AK5: variants seen among roughly 807,000 people sequenced by gnomAD.
The protein encoded by AK5 is adenylate kinase 5.
In AK5, 27 loss-of-function variants were observed where a neutral mutation model predicts 69.5. The ratio of observed to expected loss-of-function variants is 0.39; its 90% CI spans 0.29 to 0.54. AK5 has a LOEUF of 0.54. Among genes scored for constraint, AK5 ranks in the 20% least tolerant of loss-of-function variants. AK5 has a pLI of 0.71. For synonymous variants in AK5, 260 were observed against 244.4 expected (o/e 1.06, Z -0.60); for missense variants, 531 against 700.4 (o/e 0.76, Z 2.73).
In AK5 at chr1:77,303,435, G is replaced by C. The variant is rs116617299; in HGVS notation, c.699+5488G>C. 4.0e-3 allele frequency among the ~76,000 whole-genome samples: 615 copies of C among 152,292 alleles called. 1 individual carries two copies. Among genetic ancestry groups the C allele is most frequent in the African/African-American group, 0.014 (587 of 41,560 alleles). On this transcript the variant is annotated intron_variant, in intron 5 of 13. Coordinates refer to ENST00000354567, the MANE Select transcript of AK5 (RefSeq NM_174858.3). The stretch of plus-strand genomic sequence containing the variant: ...ACTTGAATAACATATTTTTAGAAAA[G>C]TAATCATATTTTCCAAAACTTAAAA...
At chr1:77,376,966 T>C (rs1647292239) in intron 6 of AK5, among the ~76,000 whole-genome samples, 1 of 152,152 alleles carries the variant, frequency 6.6e-6, no homozygotes, top group Non-Finnish European at 1.5e-5. Context: ...AATCATTAAG[T>C]CACACCATTA....
intron 13 of AK5, among the ~76,000 whole-genome samples, chr1:77,554,950 AAATATTTGCTGTGTACCCATATTT>A (rs925953979): frequency 2.6e-4 from 39 of 151,950 alleles, no homozygotes; most frequent in Admixed American, 1.1e-3. Context: ...AATATTTATC[AAATATTTGCTGTGTACCCATATTT>A]TATGATGTCA....
intron 6 of AK5, among the ~76,000 whole-genome samples, chr1:77,382,019 A>C (rs1056281907): frequency 1.3e-5 from 2 of 152,178 alleles, no homozygotes; most frequent in Non-Finnish European, 1.5e-5. Context: ...GCCCAGGTCA[A>C]AGGTGGTTGC....
At chr1:77,353,548 G>A (rs1662329100) in intron 6 of AK5, among the ~76,000 whole-genome samples, 1 of 152,116 alleles carries the variant, frequency 6.6e-6, no homozygotes, top group Non-Finnish European at 1.5e-5. Flanking sequence ...CTCATTTCAG[G>A]TAAAGATAGG....
At chr1:77,506,860 G>T (rs565456189) in intron 10 of AK5, among the ~76,000 whole-genome samples, 46 of 152,198 alleles carry the variant, frequency 3.0e-4, no homozygotes, top group African/African-American at 1.1e-3. Flanking sequence ...TTAGTTGGGC[G>T]TGGTGGCACA....
chr1:77,308,796 C>T (rs1659786516), intron 5 of AK5, among the ~76,000 whole-genome samples: 4 of 152,092 alleles, frequency 2.6e-5, no homozygotes, highest in Admixed American at 2.0e-4. Context: ...TGGCAAAACT[C>T]CATCTCTGCA....
chr1:77,427,069 A>G (rs1651259752), intron 8 of AK5, among the ~76,000 whole-genome samples: 1 of 152,014 alleles, frequency 6.6e-6, no homozygotes, highest in South Asian at 2.1e-4. Flanking sequence ...ATTAAAACTA[A>G]TAAAAGCCTC....
intron 6 of AK5, among the ~76,000 whole-genome samples, chr1:77,367,554 T>TATATATATATATATATATA (rs59508312): frequency 0.1 from 2,958 of 28,552 alleles, 357 homozygotes; most frequent in Non-Finnish European, 0.17. Flanking sequence ...ATTTATGTTA[T>TATATATATATATATATATA]TTTTATATAT....
At chr1:77,470,848 T>C (rs1654426952) in intron 8 of AK5, among the ~76,000 whole-genome samples, 1 of 12,844 alleles carries the variant, frequency 7.8e-5, no homozygotes, top group Non-Finnish European at 1.7e-4. Context: ...TATATATATA[T>C]ATATATATAT....
At chr1:77,524,416 C>T (rs776055972) in intron 12 of AK5, among the ~76,000 whole-genome samples, 30 of 152,262 alleles carry the variant, frequency 2.0e-4, no homozygotes, top group Admixed American at 8.5e-4. Context: ...ACATTCCTAC[C>T]GACAATGCGT....
chr1:77,372,153 C>A (rs188921227), intron 6 of AK5, among the ~76,000 whole-genome samples: 44 of 151,844 alleles, frequency 2.9e-4, no homozygotes, highest in African/African-American at 1.0e-3. Flanking sequence ...ACTTACCAGA[C>A]CTTGAATAAT....
At chr1:77,349,529 C>A (rs1011341087) in intron 6 of AK5, 1 of 152,212 alleles carries the variant, frequency 6.6e-6, no homozygotes, top group African/African-American at 2.4e-5. Flanking sequence ...AAAATGCTTT[C>A]TCCAGGCACT....
chr1:77,457,841 G>T (rs918309810), intron 8 of AK5, among the ~76,000 whole-genome samples: 2 of 152,236 alleles, frequency 1.3e-5, no homozygotes, highest in East Asian at 3.9e-4. Flanking sequence ...TATTTAGGCC[G>T]TCTATTAGCT....
intron 5 of AK5, among the ~76,000 whole-genome samples, chr1:77,307,624 G>A (rs1487729722): frequency 6.6e-6 from 1 of 152,088 alleles, no homozygotes; most frequent in Non-Finnish European, 1.5e-5. Flanking sequence ...AGATACATTT[G>A]GTCCATAGGT....
rs138740591 is a variant in AK5, at chr1:77,374,142, G to A, written c.891+33574G>A. Among the ~76,000 whole-genome samples, 58 of 152,218 alleles carry A rather than the reference G, an allele frequency of 3.8e-4. 1 individual carries two copies. The highest frequency in any genetic ancestry group is 1.3e-3 in the African/African-American group (54 of 41,538). On this transcript the variant is annotated intron_variant, in intron 6 of 13. Transcript: ENST00000354567. ...ATTGGTATCTCAGCTTCTTTACTGAGGCATGTACCAAAAACATAGAATTAA... is the reference window on the plus strand; with the variant it reads ...ATTGGTATCTCAGCTTCTTTACTGAAGCATGTACCAAAAACATAGAATTAA...
chr1:77,407,345 T>C (rs1649724847), intron 6 of AK5, among the ~76,000 whole-genome samples: 1 of 152,134 alleles, frequency 6.6e-6, no homozygotes, highest in Non-Finnish European at 1.5e-5. Flanking sequence ...ACTAAGGATA[T>C]AACAACATTG....
chr1:77,514,792 T>G (rs990951787), intron 10 of AK5, among the ~76,000 whole-genome samples: 1 of 152,274 alleles, frequency 6.6e-6, no homozygotes, highest in African/African-American at 2.4e-5. Flanking sequence ...ATAGTCATAT[T>G]AGCAGGATGC....
chr1:77,300,148 T>C (rs1030565270), intron 5 of AK5, among the ~76,000 whole-genome samples: 15 of 152,220 alleles, frequency 9.9e-5, no homozygotes, highest in African/African-American at 3.6e-4. Context: ...GAAGAGAGGA[T>C]TCCCTCCGAA....
At chr1:77,312,510 G>A (rs1660016117) in intron 5 of AK5, among the ~76,000 whole-genome samples, 1 of 151,638 alleles carries the variant, frequency 6.6e-6, no homozygotes, top group South Asian at 2.1e-4. Flanking sequence ...AACTACTTGA[G>A]AGGCTGAGGC....
Sources: allele counts gnomAD v4.1 joint callset (sites outside exome capture counted in the v4.1 genomes callset), GRCh38; gene constraint gnomAD v4.1.1; transcripts MANE v1.5; gene names NCBI Gene and HGNC (gene_info 2026-07-23, HGNC 2026-07-21).